The following TUBG2 variants were observed in gnomAD, a reference collection of about 807,000 sequenced individuals.
TUBG2 encodes the protein tubulin gamma-2 chain.
Under a neutral mutation model 55.1 loss-of-function variants are expected in TUBG2, and 39 were observed. The observed-to-expected ratio is 0.71, with a 90% confidence interval of 0.55 to 0.93. TUBG2 has a LOEUF of 0.93. TUBG2 is among the 40% of genes least tolerant of loss of function. The probability of loss-of-function intolerance (pLI) is 0.00; values close to 1 mark genes in which losing one functional copy is unlikely to be tolerated. For missense variants in TUBG2, 358 were observed against 599.1 expected, an observed-to-expected ratio of 0.60 and a Z score of 4.20; for synonymous variants, 223 against 241.0, an observed-to-expected ratio of 0.93 and a Z score of 0.69.
intron 4 of TUBG2, chr17:42,660,952 C>A: frequency 2.2e-6 from 1 of 445,702 alleles, no homozygotes; most frequent in African/African-American, 2.0e-5. Context: ...TCCAAACCTT[C>A]CCAAGGAGCC....
chr17:42,664,799 C>T (rs2052477964), intron 6 of TUBG2, among the ~76,000 whole-genome samples: 1 of 150,606 alleles, frequency 6.6e-6, no homozygotes, highest in Admixed American at 6.6e-5. Flanking sequence ...CCGAGAGTAT[C>T]TCATGGTGCC....
At chr17:42,664,499 G>A (rs1170976998) in intron 6 of TUBG2, among the ~76,000 whole-genome samples, 2 of 151,960 alleles carry the variant, frequency 1.3e-5, no homozygotes, top group Non-Finnish European at 2.9e-5. Context: ...ACACCACCAC[G>A]TATCCCACCT....
At chr17:42,664,892 T>A (rs1597777477) in intron 6 of TUBG2, among the ~76,000 whole-genome samples, 1 of 147,682 alleles carries the variant, frequency 6.8e-6, no homozygotes, top group East Asian at 1.9e-4. Context: ...TATACTTTTT[T>A]ATTTATATTT....
chr17:42,663,030 C>T lies in TUBG2; in HGVS notation c.457C>T (p.Leu153Phe), dbSNP rs2052425547. 6.2e-7 allele frequency: 1 copy of T among 1,614,130 alleles called. No individual in the cohort carries two copies. The highest frequency in any genetic ancestry group is 1.3e-5 in the African/African-American group (1 of 75,054). ...TACGGGTTCTGGCCTGGGCTCCTAC[C>T]TCCTGGAGCGACTGAATGACAGGCA... Reference protein sequence around the residue: ...GGTGSGLGSYLLERLNDRYPK... With the variant: ...GGTGSGLGSYFLERLNDRYPK... Residue 153 changes from leucine to phenylalanine, a missense_variant, in exon 5 of 11, where the codon CTC becomes TTC. Physicochemically the swap from Leu to Phe is conservative, Grantham distance 22. Transcript: ENST00000251412.
intron 4 of TUBG2, chr17:42,661,486 G>T (rs1052556986): frequency 6.6e-6 from 1 of 152,222 alleles, no homozygotes; most frequent in Non-Finnish European, 1.5e-5. Flanking sequence ...CTGGGGAAGG[G>T]AGAGGGGATG....
At chr17:42,663,572 C>A in intron 6 of TUBG2, 69 bp downstream of exon 6, 1 of 1,580,900 alleles carries the variant, frequency 6.3e-7, no homozygotes. Context: ...CTTTGGGAGG[C>A]CTAGGCAGAT....
intron 1 of TUBG2, 36 bp downstream of exon 1, chr17:42,659,588 T>G (rs984314743): frequency 1.3e-5 from 20 of 1,535,570 alleles, no homozygotes; most frequent in Non-Finnish European, 1.5e-5. Context: ...CGGTCTCTGG[T>G]TCTGCCCCTT....
At chr17:42,660,124 C>T (rs997960538) in intron 2 of TUBG2, 25 bp from the exon 3 acceptor site, 12 of 1,511,824 alleles carry the variant, frequency 7.9e-6, no homozygotes, top group Admixed American at 1.9e-5. Flanking sequence ...GCTGATTGGG[C>T]CCCCTCCTGG....
At chr17:42,663,113 T>C in intron 5 of TUBG2, 61 bp downstream of exon 5, 1 of 1,560,620 alleles carries the variant, frequency 6.4e-7, no homozygotes, top group East Asian at 2.2e-5. Flanking sequence ...TCATTGCTTT[T>C]TTCTCTTGAG....
chr17:42,659,444 C>CA lies in TUBG2; in HGVS notation c.-59dup. 10 of 1,511,070 alleles carry CA rather than the reference C, an allele frequency of 6.6e-6. No individual in the cohort carries two copies. The South Asian group carries it at 9.8e-5, about 15-fold the overall frequency. 93.6% of individuals were successfully genotyped at this position (1,511,070 alleles called of 1,614,324 possible). ...ACGTCCTGCGCTCCTGGCTGCCGGGCATTCGTCTCAGCCGTGACTCTCGCC... is the reference window on the plus strand; with the variant it reads ...ACGTCCTGCGCTCCTGGCTGCCGGGCAATTCGTCTCAGCCGTGACTCTCGCC... On this transcript the variant is annotated 5_prime_UTR_variant, in exon 1 of 11. An upstream open reading frame in the 5' UTR loses its in-frame stop. Coordinates refer to ENST00000251412, the MANE Select transcript of TUBG2 (RefSeq NM_016437.3).
In TUBG2 at chr17:42,666,317, C is replaced by T. The variant is rs368315940; in HGVS notation, c.997-6C>T. ...GCCACCTCCACTGCTCCTATGCCCA[C>T]CCCAGGTCCACAAGAGCCTGCAGAG... On this transcript the variant is annotated splice_region_variant and splice_polypyrimidine_tract_variant and intron_variant, in intron 9 of 10. Transcript: ENST00000251412. 5.5e-5 allele frequency: 89 copies of T among 1,614,190 alleles called. No homozygotes were observed. The highest frequency in any genetic ancestry group is 4.5e-5 in the East Asian group (2 of 44,884).
In TUBG2 at chr17:42,666,406, G is replaced by A; in HGVS notation, c.1080G>A (p.Leu360=). The A allele has an allele frequency of 6.2e-7, 1 of 1,614,220 alleles. No individual in the cohort carries two copies. Among genetic ancestry groups the A allele is most frequent in the African/African-American group, 1.3e-5 (1 of 75,068 alleles). The change falls in exon 10 of 11, where the codon CTG becomes CTA. Residue 360 remains leucine, a synonymous_variant. Coordinates refer to ENST00000251412, the MANE Select transcript of TUBG2 (RefSeq NM_016437.3). The stretch of plus-strand genomic sequence containing the variant: ...GCCCCGCCAGCATCCAGGTGGCCCT[G>A]TCGAGGAAGTCTCCCTACCTGCCCT... ...PWGPASIQVA[L]SRKSPYLPSA...
intron 6 of TUBG2, among the ~76,000 whole-genome samples, chr17:42,664,230 C>G (rs1179512432): frequency 6.6e-6 from 1 of 150,740 alleles, no homozygotes; most frequent in Non-Finnish European, 1.5e-5. Context: ...GAGCCATGAT[C>G]ACACCACTGC....
At position 42,665,778 on chromosome 17, in the gene TUBG2, G is replaced by A. The variant is rs1022299100; in HGVS notation, c.794G>A (p.Arg265Gln). 7.4e-6 allele frequency: 12 copies of A among 1,613,952 alleles called. No individual in the cohort carries two copies. The highest frequency in any genetic ancestry group is 2.2e-5 in the East Asian group (1 of 44,890). ...ATCGCCTCGCTCATTCCCACCCCACGGCTCCACTTCCTCATGACCGGCTAC... is the reference window on the plus strand; with the variant it reads ...ATCGCCTCGCTCATTCCCACCCCACAGCTCCACTTCCTCATGACCGGCTAC... ...GLIASLIPTP[R>Q]LHFLMTGYTP... is the part of the protein sequence containing the mutation. The change falls in exon 8 of 11, where the codon CGG becomes CAG. Residue 265 changes from arginine to glutamine, a missense_variant. Arg to Gln is a conservative substitution (Grantham distance 43, BLOSUM62 1). Coordinates refer to ENST00000251412, the MANE Select transcript of TUBG2 (RefSeq NM_016437.3).
At chr17:42,662,932 G>A in intron 4 of TUBG2, 41 bp from the exon 5 acceptor site, 11 of 1,592,332 alleles carry the variant, frequency 6.9e-6, no homozygotes, top group Non-Finnish European at 9.5e-6. Flanking sequence ...GTGAGAGTGT[G>A]GCAGGAGAAA....
At position 42,663,403 on chromosome 17, in the gene TUBG2, A is replaced by G. The variant is rs2052436925; in HGVS notation, c.506A>G (p.Tyr169Cys). ...TACCCCAAGAAGCTAGTGCAGACTT[A>G]TTCAGTGTTTCCCTACCAGGACGAG... ...DRYPKKLVQT[Y>C]SVFPYQDEMS... Residue 169 changes from tyrosine to cysteine, a missense_variant, in exon 6 of 11, where the codon TAT becomes TGT. This residue lies in a region of TUBG2 where 40 missense variants were observed against 40.4 expected (regional missense o/e 0.99). Transcript: ENST00000251412. 1 of 1,614,090 alleles carries G rather than the reference A, an allele frequency of 6.2e-7. No homozygotes were observed. The highest frequency in any genetic ancestry group is 8.5e-7 in the Non-Finnish European group (1 of 1,180,012).
intron 5 of TUBG2, 21 bp from the exon 6 acceptor site, chr17:42,663,356 C>T (rs774868772): frequency 6.2e-7 from 1 of 1,613,770 alleles, no homozygotes; most frequent in Non-Finnish European, 8.5e-7. Context: ...TTCACTATGC[C>T]ACCATCCTCT....
At chr17:42,663,348 C>A in intron 5 of TUBG2, 29 bp from the exon 6 acceptor site, 1 of 1,613,462 alleles carries the variant, frequency 6.2e-7, no homozygotes, top group South Asian at 1.1e-5. Flanking sequence ...CCTTCCGGTT[C>A]ACTATGCCAC....
chr17:42,666,729 CAGG>C lies in TUBG2; in HGVS notation c.1288_1290del (p.Glu430del), dbSNP rs2052557670. 1.2e-6 allele frequency: 2 copies of C among 1,614,034 alleles called. No homozygotes were observed. Among genetic ancestry groups the C allele is most frequent in the Non-Finnish European group, 1.7e-6 (2 of 1,180,036 alleles). ...GATGGACAGGTCTAGGGAGGTTGTT[CAGG>C]AGCTCATTGATGAGTACCATGCGGC... On this transcript the variant is annotated inframe_deletion, in exon 11 of 11. Coordinates refer to ENST00000251412, the MANE Select transcript of TUBG2 (RefSeq NM_016437.3).
Sources: gnomAD v4.1 joint callset for allele counts (sites outside exome capture counted in the v4.1 genomes callset) on GRCh38, gnomAD v4.1.1 for gene constraint, gnomAD v4.1.1 regional missense constraint, MANE v1.5 for transcripts, NCBI Gene and HGNC (gene_info 2026-07-23, HGNC 2026-07-21) for gene names.